WBP4: variants seen among roughly 807,000 people sequenced by gnomAD.
The protein encoded by WBP4 is WW domain binding protein 4.
A neutral mutation model predicts 55.4 loss-of-function variants in WBP4; 37 were observed. The ratio of observed to expected loss-of-function variants is 0.67; its 90% CI spans 0.51 to 0.88. WBP4 has a LOEUF of 0.88. Among genes scored for constraint, WBP4 ranks in the 40% least tolerant of loss-of-function variants. WBP4 has a pLI of 0.00. For missense variants in WBP4, 398 were observed against 420.8 expected, an observed-to-expected ratio of 0.95 and a Z score of 0.47; for synonymous variants, 142 against 140.2, an observed-to-expected ratio of 1.01 and a Z score of -0.09.
At chr13:41,081,498 CAA>C (rs555764002) in intron 9 of WBP4, among the ~76,000 whole-genome samples, 257 of 81,126 alleles carry the variant, frequency 3.2e-3, no homozygotes, top group Admixed American at 5.7e-3. Flanking sequence ...ACCTTGTCTC[CAA>C]AAAAAAAAAA....
chr13:41,083,241 T>C lies in WBP4; in HGVS notation c.*327T>C, dbSNP rs1878863597. ...TCCATTCATATTCATAAGAGCATAT[T>C]TATCCTGCATTGAAAATGCATTACT... On this transcript the variant is annotated 3_prime_UTR_variant, in exon 10 of 10. Coordinates refer to ENST00000379487, the MANE Select transcript of WBP4 (RefSeq NM_007187.5). The C allele has an allele frequency of 5.9e-5, 12 of 202,872 alleles. No individual in the cohort carries two copies. 12.6% of individuals were successfully genotyped at this position (202,872 alleles called of 1,614,324 possible). A position where few individuals can be genotyped will look rare whatever the true frequency, so the allele number is the denominator to read the frequency against.
chr13:41,073,763 C>T (rs1229846972), intron 7 of WBP4, among the ~76,000 whole-genome samples: 10 of 151,816 alleles, frequency 6.6e-5, no homozygotes, highest in Non-Finnish European at 1.2e-4. Flanking sequence ...GCCAAGATCG[C>T]ACCACTGCAC....
At chr13:41,080,185 G>A (rs539722298) in intron 8 of WBP4, among the ~76,000 whole-genome samples, 11 of 152,184 alleles carry the variant, frequency 7.2e-5, no homozygotes, top group African/African-American at 2.2e-4. Flanking sequence ...TAAGAAATAC[G>A]CATTTGTGCC....
intron 5 of WBP4, among the ~76,000 whole-genome samples, chr13:41,069,646 C>G (rs1483157349): frequency 7.4e-6 from 1 of 135,446 alleles, no homozygotes; most frequent in Non-Finnish European, 1.5e-5. Flanking sequence ...GCGGAGCTTG[C>G]GGTGAGCGTA....
chr13:41,062,144 C>T (rs1035801400), intron 1 of WBP4: 1 of 921,646 alleles, frequency 1.1e-6, no homozygotes, highest in Non-Finnish European at 1.3e-6. Flanking sequence ...CTACGAAGTC[C>T]CATGGCTTTT....
chr13:41,063,277 C>A lies in WBP4; in HGVS notation c.75+561C>A, dbSNP rs191322587. 2.9e-3 allele frequency among the ~76,000 whole-genome samples: 437 copies of A among 152,266 alleles called. 2 individuals carry two copies. Among genetic ancestry groups the A allele is most frequent in the Non-Finnish European group, 4.5e-3 (305 of 67,992 alleles). ...AGCAAAAAGCACACCGCTGATTTTT[C>A]TCCCCTCTTGCATGTCAAAATACTA... On this transcript the variant is annotated intron_variant, in intron 2 of 9. Transcript: ENST00000379487.
At chr13:41,067,976 A>G (rs1052077161) in intron 4 of WBP4, among the ~76,000 whole-genome samples, 16 of 152,058 alleles carry the variant, frequency 1.1e-4, no homozygotes, top group Admixed American at 1.0e-3. Context: ...GAACAGCTTT[A>G]CTTTTTTCCC....
chr13:41,080,770 A>G lies in WBP4; in HGVS notation c.881A>G (p.Tyr294Cys). 1 of 1,607,548 alleles carries G rather than the reference A, an allele frequency of 6.2e-7. No homozygotes were observed. The highest frequency in any genetic ancestry group is 8.5e-7 in the Non-Finnish European group (1 of 1,178,578). Reference protein sequence around the residue: ...KSKTLKKSNPYGEWQEIKQEV... With the variant: ...KSKTLKKSNPCGEWQEIKQEV... ...AAAACTCTTAAGAAATCAAACCCAT[A>G]TGGAGAATGGCAAGAAATTAAACAA... The change falls in exon 9 of 10, where the codon TAT (tyrosine) becomes TGT (cysteine). Residue 294 changes from tyrosine (Y) to cysteine (C), a missense_variant. By Grantham distance (194) the Tyr-to-Cys change is radical. Coordinates refer to ENST00000379487, the MANE Select transcript of WBP4 (RefSeq NM_007187.5).
Position 41,065,024 on chromosome 13 carries a change from A to T in WBP4, c.84A>T (p.Glu28Asp), listed in dbSNP as rs1004084085. Reference protein sequence around the residue: ...CWIADNRPSVEFHERGKNHKE... With the variant: ...CWIADNRPSVDFHERGKNHKE... ...CTCTTTTCATTTTCAAGAGTGTTGA[A>T]TTTCATGAAAGAGGAAAGAATCATA... Residue 28 changes from glutamate (E) to aspartate (D), a missense_variant, in exon 3 of 10, where the codon GAA (glutamate) becomes GAT (aspartate). Transcript: ENST00000379487. The T allele has an allele frequency of 1.3e-6, 2 of 1,583,742 alleles. No homozygotes were observed. The highest frequency in any genetic ancestry group is 1.7e-4 in the Middle Eastern group (1 of 5,944).
Position 41,071,593 on chromosome 13 carries a change from A to G in WBP4, c.486+20A>G, listed in dbSNP as rs778802121. The G allele has an allele frequency of 1.9e-6, 3 of 1,595,948 alleles. No individual in the cohort carries two copies. The highest frequency in any genetic ancestry group is 2.6e-6 in the Non-Finnish European group (3 of 1,171,180). On this transcript the variant is annotated intron_variant, in intron 6 of 9. Coordinates refer to ENST00000379487, the MANE Select transcript of WBP4 (RefSeq NM_007187.5). ...AAAAAGGTAATTGAAGCATATTAAT[A>G]GTGTTTTTGTTTTATTCTTTACAGT...
chr13:41,071,578 T>C lies in WBP4; in HGVS notation c.486+5T>C, dbSNP rs201287794. ...TTTCAAGGAGACTTAAAAAAGGTAA[T>C]TGAAGCATATTAATAGTGTTTTTGT... On this transcript the variant is annotated splice_donor_5th_base_variant and intron_variant, in intron 6 of 9. Coordinates refer to ENST00000379487, the MANE Select transcript of WBP4 (RefSeq NM_007187.5). 5.3e-5 allele frequency: 85 copies of C among 1,608,202 alleles called. No individual in the cohort carries two copies. Among genetic ancestry groups the C allele is most frequent in the Non-Finnish European group, 7.1e-5 (84 of 1,176,952 alleles).
intron 7 of WBP4, among the ~76,000 whole-genome samples, chr13:41,074,226 C>T (rs1167105871): frequency 3.3e-5 from 5 of 152,130 alleles, no homozygotes; most frequent in African/African-American, 9.7e-5. Flanking sequence ...CCACCGCGCC[C>T]GGCCCTAAAA....
chr13:41,061,941 G>A (rs1370749136), intron 1 of WBP4, among the ~76,000 whole-genome samples: 2 of 152,006 alleles, frequency 1.3e-5, no homozygotes, highest in African/African-American at 4.8e-5. Context: ...GACGGCCGCG[G>A]GTGAAGCGAC....
intron 5 of WBP4, among the ~76,000 whole-genome samples, chr13:41,070,474 G>C (rs1325292056): frequency 1.3e-5 from 2 of 151,910 alleles, no homozygotes; most frequent in South Asian, 4.2e-4. Context: ...AGGTAGATTG[G>C]AGCCATCTTA....
At position 41,083,229 on chromosome 13, in the gene WBP4, A is replaced by G. The variant is rs1159801380; in HGVS notation, c.*315A>G. The G allele has an allele frequency of 4.4e-6, 1 of 224,890 alleles. No individual in the cohort carries two copies. The highest frequency in any genetic ancestry group is 8.9e-6 in the Non-Finnish European group (1 of 112,264). The allele number at this position is 224,890 out of a possible 1,614,324, so 13.9% of individuals were successfully genotyped here. A position where few individuals can be genotyped will look rare whatever the true frequency, so the allele number is the denominator to read the frequency against. Reference sequence around the variant, plus strand: ...CAGGGCCTTTATTCCATTCATATTCATAAGAGCATATTTATCCTGCATTGA... The same window carrying G: ...CAGGGCCTTTATTCCATTCATATTCGTAAGAGCATATTTATCCTGCATTGA... On this transcript the variant is annotated 3_prime_UTR_variant, in exon 10 of 10. Coordinates refer to ENST00000379487, the MANE Select transcript of WBP4 (RefSeq NM_007187.5).
chr13:41,071,599 T>TATTAA (rs1878248650), intron 6 of WBP4, 26 bp downstream of exon 6: 1 of 1,584,028 alleles, frequency 6.3e-7, no homozygotes, highest in African/African-American at 1.4e-5. Flanking sequence ...TAATAGTGTT[T>TATTAA]TTGTTTTATT....
At chr13:41,075,938 C>A (rs112631379) in intron 7 of WBP4, 106 bp from the exon 8 acceptor site, 5 of 1,164,296 alleles carry the variant, frequency 4.3e-6, no homozygotes, top group Admixed American at 2.4e-5. Flanking sequence ...GTATGAAATA[C>A]ATACAGTATT....
At chr13:41,078,830 A>G (rs1878623664) in intron 8 of WBP4, among the ~76,000 whole-genome samples, 1 of 152,158 alleles carries the variant, frequency 6.6e-6, no homozygotes, top group Non-Finnish European at 1.5e-5. Context: ...TCTGTCTCAA[A>G]AAAAGAAAAA....
intron 1 of WBP4, 32 bp from the exon 2 acceptor site, chr13:41,062,612 A>C (rs764291447): frequency 6.3e-7 from 1 of 1,594,428 alleles, no homozygotes; most frequent in Non-Finnish European, 8.5e-7. Flanking sequence ...TAAGTTTTAC[A>C]TGAGCTTAGC....
Sources: gnomAD v4.1 joint callset for allele counts (sites outside exome capture counted in the v4.1 genomes callset) on GRCh38, gnomAD v4.1.1 for gene constraint, MANE v1.5 for transcripts, NCBI Gene and HGNC (gene_info 2026-07-23, HGNC 2026-07-21) for gene names.